Variants in KCNK7 observed in about 807,000 individuals in gnomAD.
KCNK7 encodes potassium two pore domain channel subfamily K member 7.
In KCNK7, 14 loss-of-function variants were observed where a neutral mutation model predicts 18.1. The observed-to-expected ratio is 0.77, with a 90% CI of 0.51 to 1.21. The LOEUF (loss-of-function observed/expected upper bound fraction) is 1.21. Among genes scored for constraint, KCNK7 ranks in the 50% most tolerant of loss-of-function variants. The pLI is 0.00. For synonymous variants in KCNK7, 188 were observed against 184.7 expected, an observed-to-expected ratio of 1.02 and a Z score of -0.15; for missense variants, 385 against 387.3, an observed-to-expected ratio of 0.99 and a Z score of 0.05.
chr11:65,594,918 G>A (rs1854322786), intron 1 of KCNK7, among the ~76,000 whole-genome samples: 1 of 152,048 alleles, frequency 6.6e-6, no homozygotes, highest in African/African-American at 2.4e-5. Flanking sequence ...AAAATACTGA[G>A]ACACTTTGTG....
In KCNK7 at chr11:65,593,229, TG is replaced by T; in HGVS notation, c.719-20del. The T allele has an allele frequency of 6.2e-7, 1 of 1,612,916 alleles. No homozygotes were observed. The highest frequency in any genetic ancestry group is 8.5e-7 in the Non-Finnish European group (1 of 1,179,426). ...AAGTAACCTGGGGAGGAGAAGGTGC[TG>T]GGGCAGCGCCTGGGTTCTGGTGATG... On this transcript the variant is annotated intron_variant, in intron 2 of 2. Transcript: ENST00000340313.
Position 65,592,901 on chromosome 11 carries a change from CACCCT to C in KCNK7, c.*99_*103del, listed in dbSNP as rs139228739. On this transcript the variant is annotated 3_prime_UTR_variant, in exon 3 of 3. Transcript: ENST00000340313. ...ACAGTATCCTCTGAGGCCTCCCGCC[CACCCT>C]CACCGCGGCTCCATCTCCAGATTCT... 8.8e-4 allele frequency: 1,214 copies of C among 1,384,362 alleles called. 16 individuals carry two copies. The African/African-American group carries it at 0.016, about 18-fold the overall frequency. 85.8% of individuals were successfully genotyped at this position (1,384,362 alleles called of 1,614,324 possible). A position where few individuals can be genotyped will look rare whatever the true frequency, so the allele number is the denominator to read the frequency against.
rs768469991 is a variant in KCNK7, at chr11:65,593,872, A to C, written c.322T>G (p.Tyr108Asp). 9 of 1,526,708 alleles carry C rather than the reference A, an allele frequency of 5.9e-6. No individual in the cohort carries two copies. The South Asian group carries it at 1.2e-4, about 20-fold the overall frequency. The allele number at this position is 1,526,708 out of a possible 1,614,324, so 94.6% of individuals were successfully genotyped here. A position where few individuals can be genotyped will look rare whatever the true frequency, so the allele number is the denominator to read the frequency against. The change falls in exon 2 of 3, where the codon TAT (tyrosine) becomes GAT (aspartate). Residue 108 changes from tyrosine to aspartate, a missense_variant and splice_region_variant. Transcript: ENST00000340313. ...FAASILTTTG[Y>D]GHMAPLSPGG... ...GGCGATAGTGGGGCCATGTGGCCATAACCTGGAGAAGAGAGAGTCAGTGGA... is the reference window on the plus strand; with the variant it reads ...GGCGATAGTGGGGCCATGTGGCCATCACCTGGAGAAGAGAGAGTCAGTGGA...
chr11:65,594,609 C>T (rs559364000), intron 1 of KCNK7, among the ~76,000 whole-genome samples: 1 of 152,324 alleles, frequency 6.6e-6, no homozygotes, highest in African/African-American at 2.4e-5. Flanking sequence ...GTGGCTCACA[C>T]CTGTAATCCC....
intron 1 of KCNK7, among the ~76,000 whole-genome samples, chr11:65,594,864 C>T (rs1268292931): frequency 1.3e-5 from 2 of 150,750 alleles, no homozygotes; most frequent in Admixed American, 6.6e-5. Flanking sequence ...GGTCAGACAC[C>T]GTTTCAAAAA....
chr11:65,593,417 G>A (rs1474993427), intron 2 of KCNK7, 59 bp downstream of exon 2: 3 of 1,613,684 alleles, frequency 1.9e-6, no homozygotes, highest in Non-Finnish European at 2.5e-6. Context: ...ATTTATGGGA[G>A]TCCTAGTCCA....
rs1854343632 is a variant in KCNK7, at chr11:65,595,758, C to T, written c.15G>A (p.Arg5=). Residue 5 remains arginine, a synonymous_variant, in exon 1 of 3, where the codon AGG becomes AGA. Transcript: ENST00000340313. MGGL[R]PWSRYGLLVV... is the part of the protein sequence containing the mutation. ...CCAGGAGCCCGTATCGGGACCAGGG[C>T]CTTAGACCCCCCATGGCAGGCCGCT... 1.3e-6 allele frequency: 2 copies of T among 1,539,028 alleles called. No individual in the cohort carries two copies. The highest frequency in any genetic ancestry group is 2.7e-5 in the African/African-American group (2 of 73,318).
chr11:65,595,435 G>C lies in KCNK7; in HGVS notation c.319+19C>G. Reference sequence around the variant, plus strand: ...CTCTTGGAGCCGCACCCCCCGACTTGGCTGCCTGGCTCTCTTACCTGTGGT... The same window carrying C: ...CTCTTGGAGCCGCACCCCCCGACTTCGCTGCCTGGCTCTCTTACCTGTGGT... On this transcript the variant is annotated intron_variant, in intron 1 of 2. Transcript: ENST00000340313. 1 of 1,414,350 alleles carries C rather than the reference G, an allele frequency of 7.1e-7. No individual in the cohort carries two copies. Among genetic ancestry groups the C allele is most frequent in the South Asian group, 1.8e-5 (1 of 57,128 alleles). 87.6% of individuals were successfully genotyped at this position (1,414,350 alleles called of 1,614,324 possible).
In KCNK7 at chr11:65,593,662, C is replaced by T; in HGVS notation, c.532G>A (p.Val178Met). Residue 178 changes from valine to methionine, a missense_variant, in exon 2 of 3, where the codon GTG (valine) becomes ATG (methionine). Val to Met is a conservative substitution (Grantham distance 21, BLOSUM62 1). Transcript: ENST00000340313. Reference sequence around the variant, plus strand: ...GGCAGCAGCACAAAGCTGCTGGCCACCAGCAGTCCCAGTGCAACTGCCTGC... The same window carrying T: ...GGCAGCAGCACAAAGCTGCTGGCCATCAGCAGTCCCAGTGCAACTGCCTGC... ...LLQAVALGLL[V>M]ASSFVLLPAL... 1 of 1,604,868 alleles carries T rather than the reference C, an allele frequency of 6.2e-7. No individual in the cohort carries two copies. Among genetic ancestry groups the T allele is most frequent in the East Asian group, 2.2e-5 (1 of 44,812 alleles).
rs756198654 is a variant in KCNK7 at position 65,595,593 on chromosome 11, G to A, written c.180C>T (p.Pro60=). 29 of 1,594,188 alleles carry A rather than the reference G, an allele frequency of 1.8e-5. No individual in the cohort carries two copies. Among genetic ancestry groups the A allele is most frequent in the South Asian group, 4.5e-5 (4 of 89,610 alleles). ...TGCCCAGCAGCTCTTCCAGAGCTCC[G>A]GGTGGCAGGCAGGCCCTATGCTCTG... The part of the protein sequence containing the change: ...FQAEHRACLP[P]GALEELLGTA... The change falls in exon 1 of 3, where the codon CCC becomes CCT. Residue 60 remains proline, a synonymous_variant. Coordinates refer to ENST00000340313, the MANE Select transcript of KCNK7 (RefSeq NM_033347.2).
chr11:65,595,749 G>A lies in KCNK7; in HGVS notation c.24C>T (p.Ser8=). 4.5e-6 allele frequency: 7 copies of A among 1,559,582 alleles called. No homozygotes were observed. The highest frequency in any genetic ancestry group is 4.1e-5 in the African/African-American group (3 of 73,912). The change falls in exon 1 of 3, where the codon TCC becomes TCT. Residue 8 remains serine (S), a synonymous_variant. Transcript: ENST00000340313. The part of the protein sequence containing the change: MGGLRPW[S]RYGLLVVAHL... ...GGGCCACAACCAGGAGCCCGTATCG[G>A]GACCAGGGCCTTAGACCCCCCATGG...
rs769858843 is a variant in KCNK7 at position 65,593,129 on chromosome 11, T to C, written c.800A>G (p.Lys267Arg). ...SELPQVRAMG[K>R]FFRPSGPVTA... Reference sequence around the variant, plus strand: ...CACAGGACCACTGGGTCTGAAGAACTTCCCCATGGCACGGACCTGCGGCAG... The same window carrying C: ...CACAGGACCACTGGGTCTGAAGAACCTCCCCATGGCACGGACCTGCGGCAG... Residue 267 changes from lysine (K) to arginine (R), a missense_variant, in exon 3 of 3, where the codon AAG (lysine) becomes AGG (arginine). Physicochemically the swap from Lys to Arg is conservative, Grantham distance 26 (BLOSUM62 2). Coordinates refer to ENST00000340313, the MANE Select transcript of KCNK7 (RefSeq NM_033347.2). The C allele has an allele frequency of 1.9e-6, 3 of 1,613,944 alleles. No homozygotes were observed. In the South Asian group the frequency reaches 3.3e-5, roughly 18 times the overall value.
Position 65,593,880 on chromosome 11 carries a change from G to T in KCNK7, c.320-6C>A. 1.3e-6 allele frequency: 2 copies of T among 1,521,884 alleles called. No individual in the cohort carries two copies. Among genetic ancestry groups the T allele is most frequent in the Non-Finnish European group, 1.8e-6 (2 of 1,136,382 alleles). The allele number at this position is 1,521,884 out of a possible 1,614,324, so 94.3% of individuals were successfully genotyped here. A position where few individuals can be genotyped will look rare whatever the true frequency, so the allele number is the denominator to read the frequency against. On this transcript the variant is annotated splice_polypyrimidine_tract_variant and splice_region_variant and intron_variant, in intron 1 of 2. Coordinates refer to ENST00000340313, the MANE Select transcript of KCNK7 (RefSeq NM_033347.2). ...TGGGGCCATGTGGCCATAACCTGGAGAAGAGAGAGTCAGTGGACAGTGAGA... is the reference window on the plus strand; with the variant it reads ...TGGGGCCATGTGGCCATAACCTGGATAAGAGAGAGTCAGTGGACAGTGAGA...
chr11:65,593,946 A>G, intron 1 of KCNK7, 72 bp from the exon 2 acceptor site: 2 of 1,441,292 alleles, frequency 1.4e-6, no homozygotes, highest in East Asian at 4.8e-5. Context: ...GCCTACCCCA[A>G]TACTGCCTTC....
At chr11:65,594,242 G>A (rs1854302512) in intron 1 of KCNK7, among the ~76,000 whole-genome samples, 1 of 152,150 alleles carries the variant, frequency 6.6e-6, no homozygotes, top group Admixed American at 6.5e-5. Context: ...ACTGGGATCT[G>A]AATCAGCCCA....
In KCNK7 at chr11:65,595,766, C is replaced by G. The variant is rs766835870; in HGVS notation, c.7G>C (p.Gly3Arg). 2.0e-6 allele frequency: 3 copies of G among 1,519,130 alleles called. No homozygotes were observed. Among genetic ancestry groups the G allele is most frequent in the South Asian group, 2.4e-5 (2 of 82,712 alleles). 94.1% of individuals were successfully genotyped at this position (1,519,130 alleles called of 1,614,324 possible). A position where few individuals can be genotyped will look rare whatever the true frequency, so the allele number is the denominator to read the frequency against. MG[G>R]LRPWSRYGLL... ...CCGTATCGGGACCAGGGCCTTAGAC[C>G]CCCCATGGCAGGCCGCTGGGGTGCT... Residue 3 changes from glycine to arginine, a missense_variant, in exon 1 of 3, where the codon GGT becomes CGT. By Grantham distance (125) the Gly-to-Arg change is moderately radical (BLOSUM62 -2). Coordinates refer to ENST00000340313, the MANE Select transcript of KCNK7 (RefSeq NM_033347.2).
rs1445860746 is a variant in KCNK7, at chr11:65,592,997, C to T, written c.*8G>A. 3 of 1,611,946 alleles carry T rather than the reference C, an allele frequency of 1.9e-6. No individual in the cohort carries two copies. Among genetic ancestry groups the T allele is most frequent in the Non-Finnish European group, 2.5e-6 (3 of 1,179,520 alleles). Reference sequence around the variant, plus strand: ...ACCTTACGGAGCTGAACTCGGTCACCTGACGCTTCAGCAAGCAGGGGCTTG... The same window carrying T: ...ACCTTACGGAGCTGAACTCGGTCACTTGACGCTTCAGCAAGCAGGGGCTTG... On this transcript the variant is annotated 3_prime_UTR_variant, in exon 3 of 3. Coordinates refer to ENST00000340313, the MANE Select transcript of KCNK7 (RefSeq NM_033347.2).
In KCNK7 at chr11:65,593,485, C is replaced by T. The variant is rs146161072; in HGVS notation, c.709G>A (p.Ala237Thr). ...AGGTGGCTGGACTTACCAAGAAGTGCGAGCTGGCCCAGGTGGTAAATCACG... is the reference window on the plus strand; with the variant it reads ...AGGTGGCTGGACTTACCAAGAAGTGTGAGCTGGCCCAGGTGGTAAATCACG... Reference protein sequence around the residue: ...HPVIYHLGQLALLGYLLLGLL... With the variant: ...HPVIYHLGQLTLLGYLLLGLL... The change falls in exon 2 of 3, where the codon GCA becomes ACA. Residue 237 changes from alanine to threonine, a missense_variant. Ala to Thr is a moderately conservative substitution (Grantham distance 58). Transcript: ENST00000340313. 2.0e-4 allele frequency: 315 copies of T among 1,613,784 alleles called. 1 individual carries two copies. The African/African-American group carries it at 3.8e-3, about 19-fold the overall frequency.
rs1169558305 is a variant in KCNK7 at position 65,593,733 on chromosome 11, C to T, written c.461G>A (p.Trp154Ter). The T allele has an allele frequency of 6.2e-7, 1 of 1,610,906 alleles. No individual in the cohort carries two copies. The highest frequency in any genetic ancestry group is 8.5e-7 in the Non-Finnish European group (1 of 1,179,512). The change falls in exon 2 of 3, where the codon TGG (tryptophan) becomes TAG (stop). Residue 154 changes from tryptophan to a stop codon, truncating the protein, a stop_gained. Transcript: ENST00000340313. LOFTEE classifies it high-confidence loss of function. The part of the protein sequence containing the change: ...LLPVLSRPRA[W>*]VAVHWQLSPA... ...TGACAGCTGCCAGTGGACCGCTACC[C>T]AGGCACGTGGGCGGCTGAGCACAGG...
Sources: allele counts gnomAD v4.1 joint callset (sites outside exome capture counted in the v4.1 genomes callset), GRCh38; gene constraint gnomAD v4.1.1; transcripts MANE v1.5; gene names NCBI Gene and HGNC (gene_info 2026-07-23, HGNC 2026-07-21).